Variants in CSMD1 observed in about 807,000 individuals in gnomAD.
The protein encoded by CSMD1 is CUB and sushi domain-containing protein 1.
In CSMD1, 213 loss-of-function variants were observed where a neutral mutation model predicts 417.5. That is an observed-to-expected ratio of 0.51 (90% CI 0.46 to 0.57). The LOEUF is 0.57. Ranked by LOEUF, CSMD1 falls within the 20% of genes least tolerant of loss-of-function variation. The pLI, the probability that CSMD1 is intolerant of heterozygous loss-of-function variation, is 0.00. For missense variants in CSMD1, 6,923 were observed against 4,529.7 expected (o/e 1.53, Z -15.17); for synonymous variants, 2,862 against 1,736.8 (o/e 1.65, Z -16.11).
chr8:3,789,530 G>C (rs1000259429), intron 5 of CSMD1, among the ~76,000 whole-genome samples: 1 of 148,116 alleles, frequency 6.8e-6, no homozygotes, highest in Non-Finnish European at 1.5e-5. Flanking sequence ...TTTTATGCTA[G>C]TACTTTAATA....
chr8:4,716,133 T>C (rs1808638998), intron 1 of CSMD1, among the ~76,000 whole-genome samples: 2 of 152,154 alleles, frequency 1.3e-5, no homozygotes, highest in African/African-American at 4.8e-5. Context: ...TGAGATGACC[T>C]GCCTGGTGAG....
chr8:4,612,349 T>C (rs571640081), intron 2 of CSMD1, among the ~76,000 whole-genome samples: 4 of 144,554 alleles, frequency 2.8e-5, no homozygotes, highest in East Asian at 3.9e-4. Flanking sequence ...ACTTTCAGAA[T>C]TGAAAAAAAA....
At chr8:4,138,026 C>T (rs1330290309) in intron 3 of CSMD1, among the ~76,000 whole-genome samples, 2 of 141,556 alleles carry the variant, frequency 1.4e-5, no homozygotes, top group African/African-American at 2.6e-5. Context: ...TAGAGGCGCC[C>T]GCCACCATGC....
chr8:3,102,222 T>C (rs1815806553), intron 46 of CSMD1, among the ~76,000 whole-genome samples: 1 of 152,230 alleles, frequency 6.6e-6, no homozygotes, highest in Non-Finnish European at 1.5e-5. Flanking sequence ...AGTAGAAAAG[T>C]ACTTAAAGAA....
intron 1 of CSMD1, among the ~76,000 whole-genome samples, chr8:4,797,458 T>C (rs531461989): frequency 3.9e-5 from 6 of 152,310 alleles, no homozygotes; most frequent in Admixed American, 1.3e-4. Flanking sequence ...ATATAGGTCA[T>C]GTTTTTATTA....
At chr8:3,998,861 C>G (rs568341099) in intron 4 of CSMD1, among the ~76,000 whole-genome samples, 10 of 149,796 alleles carry the variant, frequency 6.7e-5, no homozygotes, top group Admixed American at 1.3e-4. Context: ...GCATTTTAAA[C>G]TATATATAGT....
At chr8:4,627,647 C>T (rs1330676612) in intron 2 of CSMD1, among the ~76,000 whole-genome samples, 1 of 152,128 alleles carries the variant, frequency 6.6e-6, no homozygotes, top group Non-Finnish European at 1.5e-5. Flanking sequence ...AACATCACCT[C>T]CCATTCCTGG....
chr8:4,017,854 G>T (rs776613899), intron 4 of CSMD1, among the ~76,000 whole-genome samples: 1 of 152,136 alleles, frequency 6.6e-6, no homozygotes, highest in African/African-American at 2.4e-5. Context: ...ATATCTGGTG[G>T]TGATCCATCA....
chr8:3,307,628 T>A, intron 25 of CSMD1, 67 bp downstream of exon 25: 1 of 1,492,570 alleles, frequency 6.7e-7, no homozygotes, highest in Non-Finnish European at 9.2e-7. Context: ...TGTACCACTA[T>A]CTCTGCTACA....
At chr8:4,708,816 G>A (rs952679328) in intron 1 of CSMD1, among the ~76,000 whole-genome samples, 1 of 152,198 alleles carries the variant, frequency 6.6e-6, no homozygotes, top group East Asian at 1.9e-4. Context: ...TTAAAATGAG[G>A]TCATTAGGGT....
At chr8:4,389,324 C>T (rs761977423) in intron 3 of CSMD1, among the ~76,000 whole-genome samples, 2 of 152,066 alleles carry the variant, frequency 1.3e-5, no homozygotes, top group Non-Finnish European at 2.9e-5. Flanking sequence ...TCCTTGTCAT[C>T]CTTCTCTTGG....
At chr8:3,805,296 A>T (rs1800670125) in intron 5 of CSMD1, among the ~76,000 whole-genome samples, 3 of 152,160 alleles carry the variant, frequency 2.0e-5, no homozygotes, top group Admixed American at 6.6e-5. Flanking sequence ...GGAGCCACAG[A>T]TTCCACCAGG....
chr8:3,929,379 A>C (rs1311202403), intron 5 of CSMD1, among the ~76,000 whole-genome samples: 1 of 150,596 alleles, frequency 6.6e-6, no homozygotes, highest in Non-Finnish European at 1.5e-5. Context: ...AAGTTCGTGA[A>C]TGTTCACAGC....
At chr8:3,415,482 T>G (rs1391390625) in intron 12 of CSMD1, among the ~76,000 whole-genome samples, 1 of 152,196 alleles carries the variant, frequency 6.6e-6, no homozygotes, top group Admixed American at 6.5e-5. Flanking sequence ...CTCAGCCTCC[T>G]GCATATCTGG....
intron 3 of CSMD1, among the ~76,000 whole-genome samples, chr8:4,063,848 C>A (rs971281125): frequency 6.6e-6 from 1 of 152,248 alleles, no homozygotes; most frequent in Admixed American, 6.5e-5. Context: ...CAGGAGTAGA[C>A]TATGACTTTG....
intron 5 of CSMD1, among the ~76,000 whole-genome samples, chr8:3,846,539 T>A (rs938088597): frequency 2.0e-5 from 3 of 152,256 alleles, no homozygotes; most frequent in African/African-American, 7.2e-5. Context: ...GTGGATTAAT[T>A]GGGCTAGAGC....
intron 12 of CSMD1, among the ~76,000 whole-genome samples, chr8:3,429,542 C>G (rs1393845): frequency 6.6e-6 from 1 of 151,882 alleles, no homozygotes; most frequent in Non-Finnish European, 1.5e-5. Context: ...CTGTCAGGAA[C>G]GTTCAATATC....
chr8:4,863,003 G>C (rs11778839), intron 1 of CSMD1, among the ~76,000 whole-genome samples: 95,556 of 151,824 alleles, frequency 0.63, 30,863 homozygotes, highest in East Asian at 0.95. Flanking sequence ...TACCCCCGTA[G>C]ATCAAGGGGA....
chr8:2,945,787 A>G (rs1802191145), intron 68 of CSMD1, among the ~76,000 whole-genome samples: 1 of 152,066 alleles, frequency 6.6e-6, no homozygotes, highest in Non-Finnish European at 1.5e-5. Context: ...GGCTGTTGCA[A>G]CCACAACTGT....
Sources: allele counts gnomAD v4.1 joint callset (sites outside exome capture counted in the v4.1 genomes callset), GRCh38; gene constraint gnomAD v4.1.1; transcripts MANE v1.5; gene names NCBI Gene and HGNC (gene_info 2026-07-23, HGNC 2026-07-21).